Variants in PPM1H observed in about 807,000 individuals in gnomAD.
PPM1H encodes the protein protein phosphatase, Mg2+/Mn2+ dependent 1H.
In PPM1H, 27 loss-of-function variants were observed where a neutral mutation model predicts 54.9. The observed-to-expected ratio is 0.49, with a 90% CI of 0.36 to 0.68. The LOEUF is 0.68. PPM1H is among the 30% of genes least tolerant of loss of function. The probability of loss-of-function intolerance (pLI) is 0.00; values close to 1 mark genes in which losing one functional copy is unlikely to be tolerated. For synonymous variants in PPM1H, 305 were observed against 270.8 expected, an observed-to-expected ratio of 1.13 and a Z score of -1.24; for missense variants, 596 against 667.8, an observed-to-expected ratio of 0.89 and a Z score of 1.19.
chr12:62,905,272 G>A (rs1218396663), intron 1 of PPM1H, among the ~76,000 whole-genome samples: 2 of 152,180 alleles, frequency 1.3e-5, no homozygotes, highest in African/African-American at 4.8e-5. Flanking sequence ...AGAAGCCAGG[G>A]TTTCTTAGAG....
At chr12:62,903,922 G>T (rs1377441005) in intron 1 of PPM1H, among the ~76,000 whole-genome samples, 1 of 151,892 alleles carries the variant, frequency 6.6e-6, no homozygotes, top group Admixed American at 6.6e-5. Flanking sequence ...CTAATTAATG[G>T]GTAATACATT....
intron 5 of PPM1H, among the ~76,000 whole-genome samples, chr12:62,737,227 A>C (rs1342050917): frequency 6.6e-6 from 1 of 150,892 alleles, no homozygotes; most frequent in African/African-American, 2.4e-5. Flanking sequence ...TAAAAAAAAA[A>C]AAAAACAAAA....
At chr12:62,691,205 A>G (rs75092543) in intron 7 of PPM1H, among the ~76,000 whole-genome samples, 270 of 152,290 alleles carry the variant, frequency 1.8e-3, no homozygotes, top group African/African-American at 6.4e-3. Flanking sequence ...GGATGGAGTG[A>G]AAGTCATCCT....
At chr12:62,772,562 C>G (rs1227569584) in intron 4 of PPM1H, among the ~76,000 whole-genome samples, 1 of 152,034 alleles carries the variant, frequency 6.6e-6, no homozygotes, top group Non-Finnish European at 1.5e-5. Context: ...AGAGCAGCAC[C>G]CCTAGTCTGA....
At chr12:62,886,392 G>T (rs1870590001) in intron 1 of PPM1H, among the ~76,000 whole-genome samples, 1 of 152,172 alleles carries the variant, frequency 6.6e-6, no homozygotes, top group Non-Finnish European at 1.5e-5. Flanking sequence ...CATTTTGGAT[G>T]TGTACAATCT....
rs114127898 is a variant in PPM1H at position 62,689,649 on chromosome 12, G to A, written c.1245+50C>T. On this transcript the variant is annotated intron_variant, in intron 8 of 9. Coordinates refer to ENST00000228705, the MANE Select transcript of PPM1H (RefSeq NM_020700.2). ...GGGTGTGAGTCACAGGAGGAATAAC[G>A]CCGAAAATGTTTTATTGCACAAAAT... The A allele has an allele frequency of 2.6e-3, 3,730 of 1,437,906 alleles. 94 individuals are homozygous for A. The African/African-American group carries it at 0.046, about 18-fold the overall frequency. The allele number at this position is 1,437,906 out of a possible 1,614,324, so 89.1% of individuals were successfully genotyped here.
At chr12:62,795,293 T>G (rs988881523) in intron 3 of PPM1H, among the ~76,000 whole-genome samples, 1 of 152,168 alleles carries the variant, frequency 6.6e-6, no homozygotes, top group Non-Finnish European at 1.5e-5. Flanking sequence ...TTGACTTGAG[T>G]GTTTCTGAAC....
At chr12:62,728,907 T>C (rs1461462246) in intron 5 of PPM1H, among the ~76,000 whole-genome samples, 1 of 152,208 alleles carries the variant, frequency 6.6e-6, no homozygotes, top group Non-Finnish European at 1.5e-5. Context: ...TGCTAGGGAA[T>C]ACAAAATGCT....
rs114289160 is a variant in PPM1H at position 62,667,559 on chromosome 12, G to A, written c.1246-230C>T. Among the ~76,000 whole-genome samples the A allele has an allele frequency of 2.1e-3, 317 of 152,278 alleles. 2 individuals carry two copies. Among genetic ancestry groups the A allele is most frequent in the African/African-American group, 7.4e-3 (309 of 41,556 alleles). ...TACACATTTGTGAATGAGCCTAAGC[G>A]GTGGGCTTAGTAATTGACATAGAAG... On this transcript the variant is annotated intron_variant, in intron 8 of 9. Transcript: ENST00000228705.
intron 4 of PPM1H, among the ~76,000 whole-genome samples, chr12:62,742,123 G>GT (rs2076384579): frequency 6.6e-6 from 1 of 152,052 alleles, no homozygotes; most frequent in South Asian, 2.1e-4. Context: ...TGTTTACTTT[G>GT]TTTTTTAATT....
intron 5 of PPM1H, among the ~76,000 whole-genome samples, chr12:62,731,218 C>T (rs898517338): frequency 3.9e-5 from 6 of 152,092 alleles, no homozygotes; most frequent in Non-Finnish European, 7.3e-5. Context: ...ACCTCATATG[C>T]CATTTTATGA....
At chr12:62,881,099 G>A (rs1003758516) in intron 1 of PPM1H, among the ~76,000 whole-genome samples, 1 of 152,178 alleles carries the variant, frequency 6.6e-6, no homozygotes, top group African/African-American at 2.4e-5. Flanking sequence ...AGAAAACTGG[G>A]AGTCATCTGT....
intron 4 of PPM1H, among the ~76,000 whole-genome samples, chr12:62,759,077 C>T (rs1266236142): frequency 2.0e-5 from 3 of 152,242 alleles, no homozygotes; most frequent in Non-Finnish European, 4.4e-5. Flanking sequence ...TAAGAACTAA[C>T]GATAATCCAC....
intron 4 of PPM1H, among the ~76,000 whole-genome samples, chr12:62,741,055 A>G (rs2076378733): frequency 6.6e-6 from 1 of 152,128 alleles, no homozygotes; most frequent in Non-Finnish European, 1.5e-5. Flanking sequence ...TTCATACTTA[A>G]TAAGGTTCAA....
At chr12:62,817,152 T>TAAAAAAAAAAAAAAA (rs2076873724) in intron 2 of PPM1H, among the ~76,000 whole-genome samples, 5 of 63,144 alleles carry the variant, frequency 7.9e-5, no homozygotes, top group Admixed American at 1.8e-4. Context: ...AAAAAAAAAC[T>TAAAAAAAAAAAAAAA]AAAAAAAAGA....
intron 1 of PPM1H, among the ~76,000 whole-genome samples, chr12:62,890,553 A>G (rs1162545274): frequency 6.6e-6 from 1 of 152,132 alleles, no homozygotes; most frequent in Admixed American, 6.6e-5. Flanking sequence ...CCATCTGTAG[A>G]CATTGTTATG....
Position 62,645,208 on chromosome 12 carries a change from C to G in PPM1H, c.*3281G>C, listed in dbSNP as rs1335403234. 1 of 152,226 alleles carries G rather than the reference C, an allele frequency of 6.6e-6. No homozygotes were observed. Among genetic ancestry groups the G allele is most frequent in the Non-Finnish European group, 1.5e-5 (1 of 68,060 alleles). 9.4% of individuals were successfully genotyped at this position (152,226 alleles called of 1,614,324 possible). On this transcript the variant is annotated 3_prime_UTR_variant, in exon 10 of 10. Transcript: ENST00000228705. ...GAGGCTAAATCTGGATCCTGGGACT[C>G]TCATTCTTGCCCACCACCATCTCCC...
intron 4 of PPM1H, among the ~76,000 whole-genome samples, chr12:62,751,964 C>G (rs1565778104): frequency 6.6e-6 from 1 of 152,202 alleles, no homozygotes; most frequent in African/African-American, 2.4e-5. Flanking sequence ...TGCCTGGTAA[C>G]AGTTACCCGG....
chr12:62,910,496 T>A (rs1042998468), intron 1 of PPM1H, among the ~76,000 whole-genome samples: 3 of 152,176 alleles, frequency 2.0e-5, no homozygotes, highest in Non-Finnish European at 2.9e-5. Flanking sequence ...TCTTTTTTTT[T>A]AATGAAGCAA....
Sources: allele counts gnomAD v4.1 joint callset (sites outside exome capture counted in the v4.1 genomes callset), GRCh38; gene constraint gnomAD v4.1.1; transcripts MANE v1.5; gene names NCBI Gene and HGNC (gene_info 2026-07-23, HGNC 2026-07-21).